Variants in RBFOX1 observed in about 807,000 individuals in gnomAD.
The protein encoded by RBFOX1 is RNA binding protein fox-1 homolog 1.
RBFOX1 carries 8 observed loss-of-function variants against 57.7 expected under a neutral mutation model. The ratio of observed to expected loss-of-function variants is 0.14; its 90% CI spans 0.08 to 0.25. The LOEUF is 0.25. Ranked by LOEUF, RBFOX1 falls within the 10% of genes least tolerant of loss-of-function variation. RBFOX1 has a pLI of 1.00. For synonymous variants in RBFOX1, 326 were observed against 222.4 expected, an observed-to-expected ratio of 1.47 and a Z score of -4.15; for missense variants, 611 against 548.5, an observed-to-expected ratio of 1.11 and a Z score of -1.14.
intron 2 of RBFOX1, among the ~76,000 whole-genome samples, chr16:5,525,181 C>G (rs56747335): frequency 0.099 from 15,068 of 152,066 alleles, 1,794 homozygotes; most frequent in African/African-American, 0.29. Flanking sequence ...TTGTCAGGGA[C>G]AGCTGTCAGG....
At chr16:6,999,707 G>C (rs1196554531) in intron 3 of RBFOX1, among the ~76,000 whole-genome samples, 1 of 151,716 alleles carries the variant, frequency 6.6e-6, no homozygotes, top group Non-Finnish European at 1.5e-5. Context: ...AAATATATCA[G>C]TATGTATATT....
chr16:6,908,411 C>G (rs969452419), intron 3 of RBFOX1, among the ~76,000 whole-genome samples: 19 of 146,162 alleles, frequency 1.3e-4, no homozygotes, highest in Non-Finnish European at 2.5e-4. Context: ...TCCCAGGAAC[C>G]TTTGACTTTT....
intron 5 of RBFOX1, among the ~76,000 whole-genome samples, chr16:7,558,682 A>G (rs1292829821): frequency 1.3e-5 from 2 of 150,508 alleles, no homozygotes; most frequent in African/African-American, 2.5e-5. Context: ...ACAAACTTCA[A>G]CAGTCCACCA....
chr16:7,589,035 T>C (rs1023469637), intron 7 of RBFOX1, among the ~76,000 whole-genome samples: 1 of 152,230 alleles, frequency 6.6e-6, no homozygotes, highest in Non-Finnish European at 1.5e-5. Context: ...CTTAAGTCTC[T>C]TCCTGCTTCT....
At chr16:6,012,543 A>T (rs2094967573) in intron 4 of RBFOX1, among the ~76,000 whole-genome samples, 1 of 152,208 alleles carries the variant, frequency 6.6e-6, no homozygotes, top group African/African-American at 2.4e-5. Context: ...CTCCACAGCA[A>T]AGGGTTATTT....
At chr16:6,773,308 G>GT in intron 3 of RBFOX1, among the ~76,000 whole-genome samples, 1 of 143,716 alleles carries the variant, frequency 7.0e-6, no homozygotes, top group East Asian at 2.2e-4. Context: ...GTGCATTTGT[G>GT]TGTTTGGGTA....
intron 3 of RBFOX1, among the ~76,000 whole-genome samples, chr16:7,024,907 C>T (rs185582924): frequency 6.6e-6 from 1 of 152,086 alleles, no homozygotes; most frequent in Non-Finnish European, 1.5e-5. Context: ...TGCTGCACTC[C>T]TCACTTTATA....
chr16:6,210,551 G>A (rs1469490870), intron 1 of RBFOX1, among the ~76,000 whole-genome samples: 2 of 151,594 alleles, frequency 1.3e-5, no homozygotes, highest in Admixed American at 6.6e-5. Flanking sequence ...GTAATGTAGC[G>A]AGACCCTGTC....
chr16:7,332,029 T>A (rs2096704751), intron 4 of RBFOX1, among the ~76,000 whole-genome samples: 1 of 152,022 alleles, frequency 6.6e-6, no homozygotes, highest in African/African-American at 2.4e-5. Context: ...TGCATATTAA[T>A]ATATCACAGA....
chr16:7,587,662 A>G (rs988257381), intron 7 of RBFOX1, among the ~76,000 whole-genome samples: 11 of 152,220 alleles, frequency 7.2e-5, no homozygotes, highest in African/African-American at 2.7e-4. Context: ...ATTATTCTGT[A>G]TTAATAAAGT....
intron 1 of RBFOX1, among the ~76,000 whole-genome samples, chr16:5,318,259 G>C (rs1411322986): frequency 6.6e-6 from 1 of 152,092 alleles, no homozygotes; most frequent in Non-Finnish European, 1.5e-5. Context: ...ATCCCAAGTA[G>C]GTGGGATTAC....
chr16:6,940,212 A>C (rs1207793262), intron 3 of RBFOX1, among the ~76,000 whole-genome samples: 4 of 152,112 alleles, frequency 2.6e-5, no homozygotes, highest in African/African-American at 9.7e-5. Context: ...ATAAATAAAT[A>C]AATAAATAGG....
At chr16:7,485,428 C>G (rs139849438) in intron 4 of RBFOX1, among the ~76,000 whole-genome samples, 1 of 152,172 alleles carries the variant, frequency 6.6e-6, no homozygotes, top group Non-Finnish European at 1.5e-5. Flanking sequence ...TAGATTAACA[C>G]GCTCAATAGG....
chr16:6,215,576 C>T (rs2097330830), intron 1 of RBFOX1, among the ~76,000 whole-genome samples: 1 of 152,108 alleles, frequency 6.6e-6, no homozygotes. Flanking sequence ...GTTGTAAACA[C>T]ACCATTGAGA....
intron 4 of RBFOX1, among the ~76,000 whole-genome samples, chr16:7,096,404 A>G (rs1470235994): frequency 6.6e-6 from 1 of 152,150 alleles, no homozygotes; most frequent in African/African-American, 2.4e-5. Flanking sequence ...CCCCAGCAGG[A>G]TGTCTGAGGC....
chr16:6,471,862 G>A (rs2095183219), intron 2 of RBFOX1, among the ~76,000 whole-genome samples: 2 of 152,150 alleles, frequency 1.3e-5, no homozygotes, highest in Admixed American at 1.3e-4. Context: ...ACAGGAAGTC[G>A]ACTTGCATCA....
At chr16:7,450,041 T>C (rs961843127) in intron 4 of RBFOX1, among the ~76,000 whole-genome samples, 10 of 152,056 alleles carry the variant, frequency 6.6e-5, no homozygotes, top group African/African-American at 2.4e-4. Context: ...TTTCTGGGTG[T>C]GGATTTCAGA....
At chr16:5,346,417 A>G (rs537090070) in intron 1 of RBFOX1, among the ~76,000 whole-genome samples, 3 of 152,294 alleles carry the variant, frequency 2.0e-5, no homozygotes, top group South Asian at 2.1e-4. Context: ...AAAACTACAG[A>G]GAAGTTATGA....
chr16:6,972,125 C>G (rs144364332), intron 3 of RBFOX1, among the ~76,000 whole-genome samples: 1 of 152,300 alleles, frequency 6.6e-6, no homozygotes, highest in East Asian at 1.9e-4. Context: ...ATCTAACCAT[C>G]TTAACCATTT....
Sources: gnomAD v4.1 joint callset for allele counts (sites outside exome capture counted in the v4.1 genomes callset) on GRCh38, gnomAD v4.1.1 for gene constraint, MANE v1.5 for transcripts, NCBI Gene and HGNC (gene_info 2026-07-23, HGNC 2026-07-21) for gene names.